The following MTA3 variants were observed in gnomAD, a reference collection of about 807,000 sequenced individuals.
MTA3 encodes metastasis associated 1 family member 3.
MTA3 carries 34 observed loss-of-function variants against 83.5 expected under a neutral mutation model. That is an observed-to-expected ratio of 0.41 (90% confidence interval 0.31 to 0.54). The LOEUF is 0.54. Among genes scored for constraint, MTA3 ranks in the 20% least tolerant of loss-of-function variants. The probability of loss-of-function intolerance (pLI) is 0.33; values close to 1 mark genes in which losing one functional copy is unlikely to be tolerated. For missense variants in MTA3, 761 were observed against 726.4 expected (o/e 1.05, Z -0.55); for synonymous variants, 303 against 252.7 (o/e 1.20, Z -1.89).
At chr2:42,685,007 G>A (rs1352208266) in intron 9 of MTA3, among the ~76,000 whole-genome samples, 1 of 152,174 alleles carries the variant, frequency 6.6e-6, no homozygotes, top group African/African-American at 2.4e-5. Flanking sequence ...GAGTTAACTG[G>A]CATTTTAGCT....
intron 2 of MTA3, among the ~76,000 whole-genome samples, chr2:42,537,752 A>T (rs1443883392): frequency 6.6e-6 from 1 of 152,134 alleles, no homozygotes; most frequent in Non-Finnish European, 1.5e-5. Flanking sequence ...AGGAAATTGG[A>T]GCATTTTAAT....
intron 16 of MTA3, among the ~76,000 whole-genome samples, chr2:42,730,673 A>T (rs144370471): frequency 3.5e-4 from 53 of 152,160 alleles, no homozygotes; most frequent in African/African-American, 1.2e-3. Flanking sequence ...GCTTTTTCTG[A>T]TATGTCTTTT....
chr2:42,533,279 G>C (rs1401463859), intron 2 of MTA3: 7 of 151,426 alleles, frequency 4.6e-5, no homozygotes, highest in African/African-American at 1.5e-4. Flanking sequence ...AGTAGAGATG[G>C]GGTTTTACCA....
chr2:42,653,941 A>C (rs1688936015), intron 6 of MTA3, among the ~76,000 whole-genome samples: 1 of 152,254 alleles, frequency 6.6e-6, no homozygotes, highest in Non-Finnish European at 1.5e-5. Flanking sequence ...AAAAAGACAC[A>C]GGCAGGTTAA....
chr2:42,547,674 T>A (rs191476379), intron 2 of MTA3, among the ~76,000 whole-genome samples: 2 of 152,342 alleles, frequency 1.3e-5, no homozygotes, highest in Non-Finnish European at 2.9e-5. Flanking sequence ...GTATGGCTTC[T>A]GGGACTGGCC....
rs1180177979 is a variant in MTA3, at chr2:42,633,290, G to C, written c.318-6883G>C. On this transcript the variant is annotated intron_variant, in intron 4 of 16. Coordinates refer to ENST00000405094, the MANE Select transcript of MTA3 (RefSeq NM_001330442.2). ...GAAAGTCTGTCTCAAAAAAAAAAAA[G>C]CAGAGGTCCAGGGTCGGGTTTGATG... Among the ~76,000 whole-genome samples the C allele has an allele frequency of 2.0e-5, 3 of 150,842 alleles. No homozygotes were observed. The South Asian group carries it at 6.3e-4, about 32-fold the overall frequency.
At chr2:42,684,261 G>A (rs1360501945) in intron 9 of MTA3, among the ~76,000 whole-genome samples, 1 of 152,136 alleles carries the variant, frequency 6.6e-6, no homozygotes, top group African/African-American at 2.4e-5. Context: ...TATGAAAATA[G>A]AATCTTTATA....
intron 4 of MTA3, among the ~76,000 whole-genome samples, chr2:42,627,917 C>T (rs1294176613): frequency 6.6e-6 from 1 of 151,822 alleles, no homozygotes; most frequent in Non-Finnish European, 1.5e-5. Context: ...CAGAGCCTCA[C>T]TCTGTTGCCC....
intron 9 of MTA3, among the ~76,000 whole-genome samples, chr2:42,684,448 A>G (rs182201273): frequency 6.6e-6 from 1 of 152,336 alleles, no homozygotes; most frequent in East Asian, 1.9e-4. Flanking sequence ...AACTTCACTC[A>G]TACTTAAATT....
At chr2:42,550,538 G>A (rs1203179914) in intron 2 of MTA3, among the ~76,000 whole-genome samples, 1 of 152,280 alleles carries the variant, frequency 6.6e-6, no homozygotes. Flanking sequence ...GGAAATGTGG[G>A]TGCAAGGCTT....
Position 42,591,542 on chromosome 2 carries a change from C to G in MTA3, c.190+12342C>G, listed in dbSNP as rs1306475170. 2.0e-5 allele frequency among the ~76,000 whole-genome samples: 3 copies of G among 152,166 alleles called. No individual in the cohort carries two copies. In the East Asian group the frequency reaches 5.8e-4, roughly 29 times the overall value. On this transcript the variant is annotated intron_variant, in intron 3 of 16. Transcript: ENST00000405094. ...TTTAATTTTGTTTAGCTTTTTGACT[C>G]TTGTAATAACAACTTAAAACACAAA... is the stretch of plus-strand genomic sequence containing the variant.
At chr2:42,611,515 C>G (rs1403175245) in intron 4 of MTA3, among the ~76,000 whole-genome samples, 1 of 152,074 alleles carries the variant, frequency 6.6e-6, no homozygotes, top group Non-Finnish European at 1.5e-5. Context: ...AACCTCATGT[C>G]ATTGTTTTTA....
rs918029180 is a variant in MTA3 at position 42,755,613 on chromosome 2, G to A, written c.*2214G>A. 2 of 985,610 alleles carry A rather than the reference G, an allele frequency of 2.0e-6. No homozygotes were observed. The highest frequency in any genetic ancestry group is 2.4e-6 in the Non-Finnish European group (2 of 830,062). 61.1% of individuals were successfully genotyped at this position (985,610 alleles called of 1,614,324 possible). ...CTTTGTCTCTGGAAACTGCCCCCTC[G>A]TTCTGACAGAATCCCCCAGGCAATG... On this transcript the variant is annotated 3_prime_UTR_variant, in exon 17 of 17. Transcript: ENST00000405094.
At chr2:42,521,973 T>G (rs1439419193) in intron 2 of MTA3, among the ~76,000 whole-genome samples, 1 of 152,042 alleles carries the variant, frequency 6.6e-6, no homozygotes. Flanking sequence ...AGGGTGGTCT[T>G]GAACTCCTGA....
chr2:42,752,465 G>A (rs1396612006), intron 16 of MTA3, among the ~76,000 whole-genome samples: 2 of 152,094 alleles, frequency 1.3e-5, no homozygotes, highest in Admixed American at 6.5e-5. Context: ...AATACAACAC[G>A]GTGGTGATGT....
intron 8 of MTA3, among the ~76,000 whole-genome samples, chr2:42,679,258 G>T (rs1691652929): frequency 6.6e-6 from 1 of 152,046 alleles, no homozygotes; most frequent in Non-Finnish European, 1.5e-5. Flanking sequence ...ATGATATTAT[G>T]GCTCACTCCC....
chr2:42,517,864 CAA>C (rs386390061), intron 2 of MTA3, among the ~76,000 whole-genome samples: 13 of 95,222 alleles, frequency 1.4e-4, no homozygotes, highest in Non-Finnish European at 1.5e-4. Context: ...GACTCTGTCT[CAA>C]AAAAAAAAAA....
At chr2:42,663,860 T>A (rs1424003646) in intron 8 of MTA3, among the ~76,000 whole-genome samples, 1 of 152,226 alleles carries the variant, frequency 6.6e-6, no homozygotes, top group Non-Finnish European at 1.5e-5. Context: ...CTGTTTTGTT[T>A]CCATTCTGAA....
intron 2 of MTA3, chr2:42,532,751 T>TA (rs397805474): frequency 2.6e-5 from 6 of 234,986 alleles, no homozygotes; most frequent in South Asian, 1.4e-4. Flanking sequence ...TTTTTTTTTT[T>TA]AAACACCTAT....
Sources: allele counts gnomAD v4.1 joint callset (sites outside exome capture counted in the v4.1 genomes callset), GRCh38; gene constraint gnomAD v4.1.1; transcripts MANE v1.5; gene names NCBI Gene and HGNC (gene_info 2026-07-23, HGNC 2026-07-21).